Variants in PPP6R3 observed in about 807,000 individuals in gnomAD.
PPP6R3 encodes serine/threonine-protein phosphatase 6 regulatory subunit 3.
A neutral mutation model predicts 110.7 loss-of-function variants in PPP6R3; 38 were observed. The observed-to-expected ratio is 0.34, with a 90% CI of 0.26 to 0.45. The LOEUF (loss-of-function observed/expected upper bound fraction) is 0.45, where lower values mean the gene tolerates loss of function less well. PPP6R3 is among the 20% of genes least tolerant of loss of function. PPP6R3 has a pLI of 1.00. For missense variants in PPP6R3, 870 were observed against 1,062.4 expected (o/e 0.82, Z 2.52); for synonymous variants, 369 against 373.5 (o/e 0.99, Z 0.14).
chr11:68,492,198 T>C (rs538438716), intron 1 of PPP6R3, among the ~76,000 whole-genome samples: 1 of 152,364 alleles, frequency 6.6e-6, no homozygotes, highest in African/African-American at 2.4e-5. Context: ...AGTCTTGCTC[T>C]GTTGCTGGAC....
intron 1 of PPP6R3, among the ~76,000 whole-genome samples, chr11:68,466,874 A>G (rs2098751218): frequency 2.0e-5 from 3 of 151,666 alleles, no homozygotes; most frequent in African/African-American, 7.3e-5. Context: ...TGGCCTCCCA[A>G]AGTGCTGGGA....
At chr11:68,533,520 A>G (rs1195138936) in intron 2 of PPP6R3, among the ~76,000 whole-genome samples, 1 of 151,900 alleles carries the variant, frequency 6.6e-6, no homozygotes, top group African/African-American at 2.4e-5. Flanking sequence ...CCTGAGCAAC[A>G]TAGTGAGAAC....
chr11:68,471,211 G>A (rs1449215804), intron 1 of PPP6R3, among the ~76,000 whole-genome samples: 1 of 151,230 alleles, frequency 6.6e-6, no homozygotes, highest in Non-Finnish European at 1.5e-5. Flanking sequence ...ATGAACCCGG[G>A]AGGTGGAGTT....
Position 68,567,092 on chromosome 11 carries a change from T to C in PPP6R3, c.1054T>C (p.Ser352Pro). Reference sequence around the variant, plus strand: ...CCGGTTGAATGTCATTAGGTTGATATCCAGCCTGCTTCAAACCAATACCAG... The same window carrying C: ...CCGGTTGAATGTCATTAGGTTGATACCCAGCCTGCTTCAAACCAATACCAG... ...NTRLNVIRLISSLLQTNTSSI... is the reference protein window; with the variant it reads ...NTRLNVIRLIPSLLQTNTSSI... Residue 352 changes from serine to proline, a missense_variant, in exon 10 of 24, where the codon TCC becomes CCC. Ser to Pro is a moderately conservative substitution (Grantham distance 74). Transcript: ENST00000393800. 1.3e-6 allele frequency: 2 copies of C among 1,551,584 alleles called. No individual in the cohort carries two copies. Among genetic ancestry groups the C allele is most frequent in the Non-Finnish European group, 1.7e-6 (2 of 1,146,906 alleles).
chr11:68,529,889 A>G (rs1159652474), intron 2 of PPP6R3, among the ~76,000 whole-genome samples: 1 of 152,206 alleles, frequency 6.6e-6, no homozygotes, highest in African/African-American at 2.4e-5. Context: ...GATGGGGGCC[A>G]TTTCAGTGCG....
intron 20 of PPP6R3, 34 bp from the exon 21 acceptor site, chr11:68,601,829 G>A (rs759398429): frequency 2.6e-6 from 4 of 1,551,416 alleles, no homozygotes; most frequent in Non-Finnish European, 3.5e-6. Flanking sequence ...ACCATTCCCT[G>A]CTGCTAATAT....
intron 1 of PPP6R3, among the ~76,000 whole-genome samples, chr11:68,480,090 CA>C (rs1413547336): frequency 1.3e-5 from 2 of 151,896 alleles, no homozygotes; most frequent in Non-Finnish European, 2.9e-5. Flanking sequence ...TGATATTTCT[CA>C]CCTGCTTTTT....
chr11:68,567,605 G>C (rs1166585173), intron 10 of PPP6R3, among the ~76,000 whole-genome samples: 1 of 152,142 alleles, frequency 6.6e-6, no homozygotes, highest in Non-Finnish European at 1.5e-5. Flanking sequence ...ACAGTTATTA[G>C]CCTGCTTACT....
chr11:68,570,940 A>AT, intron 11 of PPP6R3, 100 bp from the exon 12 acceptor site: 1 of 1,403,554 alleles, frequency 7.1e-7, no homozygotes, highest in Non-Finnish European at 9.5e-7. Flanking sequence ...AGCTTGCTAG[A>AT]TTATGCATAC....
intron 1 of PPP6R3, among the ~76,000 whole-genome samples, chr11:68,463,821 C>T (rs1305533701): frequency 1.3e-5 from 2 of 152,182 alleles, no homozygotes; most frequent in Non-Finnish European, 2.9e-5. Flanking sequence ...TGGTTCCCCC[C>T]TCACCCCCCA....
chr11:68,565,437 A>G (rs1289939557), intron 9 of PPP6R3, among the ~76,000 whole-genome samples: 1 of 151,974 alleles, frequency 6.6e-6, no homozygotes, highest in East Asian at 1.9e-4. Flanking sequence ...CCCTTAGGGA[A>G]AGTGCCTCTG....
At position 68,576,034 on chromosome 11, in the gene PPP6R3, G is replaced by A. The variant is rs754314014; in HGVS notation, c.1536G>A (p.Thr512=). 1.7e-5 allele frequency: 28 copies of A among 1,603,058 alleles called. No individual in the cohort carries two copies. The highest frequency in any genetic ancestry group is 1.7e-4 in the Middle Eastern group (1 of 6,050). ...SSLGETNKRN[T]VDLVTTCHIH... Reference sequence around the variant, plus strand: ...TAGGAGAAACTAACAAGAGGAACACGGTAGATCTAGTAGGTTTTACAAGGT... The same window carrying A: ...TAGGAGAAACTAACAAGAGGAACACAGTAGATCTAGTAGGTTTTACAAGGT... Residue 512 remains threonine (T), a synonymous_variant, in exon 14 of 24, where the codon ACG becomes ACA. Transcript: ENST00000393800.
intron 1 of PPP6R3, among the ~76,000 whole-genome samples, chr11:68,509,920 T>G (rs2099100107): frequency 6.6e-6 from 1 of 151,482 alleles, no homozygotes. Context: ...CGGCAAATTT[T>G]TTTTTTTTTT....
In PPP6R3 at chr11:68,471,506, C is replaced by T. The variant is rs182648289; in HGVS notation, c.-158+10679C>T. Reference sequence around the variant, plus strand: ...GTCACCTGAGATAAGGACCAAGACTCGTCTCATGGCTCTGGCAGCGTGGAA... The same window carrying T: ...GTCACCTGAGATAAGGACCAAGACTTGTCTCATGGCTCTGGCAGCGTGGAA... On this transcript the variant is annotated intron_variant, in intron 1 of 23. Transcript: ENST00000393800. Among the ~76,000 whole-genome samples the T allele has an allele frequency of 1.2e-4, 18 of 152,102 alleles. No homozygotes were observed. The East Asian group carries it at 2.7e-3, about 23-fold the overall frequency.
At chr11:68,470,534 A>G (rs774214945) in intron 1 of PPP6R3, among the ~76,000 whole-genome samples, 6 of 152,016 alleles carry the variant, frequency 3.9e-5, no homozygotes, top group Non-Finnish European at 7.4e-5. Flanking sequence ...TTTTTCTCTG[A>G]GTGAGATGGG....
intron 2 of PPP6R3, 111 bp from the exon 3 acceptor site, chr11:68,537,548 T>G (rs1044646197): frequency 1.4e-6 from 1 of 696,262 alleles, no homozygotes; most frequent in African/African-American, 1.8e-5. Context: ...TTATTTAACT[T>G]ATGTGAGCCA....
chr11:68,530,605 G>C (rs1041891585), intron 2 of PPP6R3, among the ~76,000 whole-genome samples: 3 of 152,246 alleles, frequency 2.0e-5, no homozygotes, highest in East Asian at 3.9e-4. Flanking sequence ...ATTCCAATGG[G>C]GCCAGTTATT....
At position 68,591,698 on chromosome 11, in the gene PPP6R3, A is replaced by G. The variant is rs748556754; in HGVS notation, c.1908A>G (p.Arg636=). Reference sequence around the variant, plus strand: ...TCGCATTCACACCAGAATCCCAAAGACGATCCAGGTGAAAGATAGTTGGTT... The same window carrying G: ...TCGCATTCACACCAGAATCCCAAAGGCGATCCAGGTGAAAGATAGTTGGTT... ...KHIAFTPESQ[R]RSSSGSTDSE... is the part of the protein sequence containing the mutation. Residue 636 remains arginine (R), a synonymous_variant, in exon 18 of 24, where the codon AGA becomes AGG. Coordinates refer to ENST00000393800, the MANE Select transcript of PPP6R3 (RefSeq NM_001164161.2). 6.2e-7 allele frequency: 1 copy of G among 1,609,650 alleles called. No individual in the cohort carries two copies. The highest frequency in any genetic ancestry group is 1.3e-5 in the African/African-American group (1 of 74,772).
intron 22 of PPP6R3, chr11:68,609,512 G>C (rs549315899): frequency 7.6e-7 from 1 of 1,324,346 alleles, no homozygotes; most frequent in Non-Finnish European, 1.1e-6. Context: ...TTTTGCTTAC[G>C]TGCAGTCGTG....
Sources: gnomAD v4.1 joint callset for allele counts (sites outside exome capture counted in the v4.1 genomes callset) on GRCh38, gnomAD v4.1.1 for gene constraint, MANE v1.5 for transcripts, NCBI Gene and HGNC (gene_info 2026-07-23, HGNC 2026-07-21) for gene names.